NLK: variants seen among roughly 807,000 people sequenced by gnomAD.
The protein encoded by NLK is nemo like kinase.
NLK carries 11 observed loss-of-function variants against 59.0 expected under a neutral mutation model. The observed-to-expected ratio is 0.19, with a 90% CI of 0.12 to 0.31. NLK has a LOEUF of 0.31. Ranked by LOEUF, NLK falls within the 10% of genes least tolerant of loss-of-function variation. The pLI, the probability that NLK is intolerant of heterozygous loss-of-function variation, is 1.00. For synonymous variants in NLK, 235 were observed against 235.9 expected (o/e 1.00, Z 0.03); for missense variants, 410 against 661.1 (o/e 0.62, Z 4.16).
downstream of NLK, among the ~76,000 whole-genome samples, chr17:28,198,426 C>T (rs188025651): frequency 3.3e-5 from 5 of 152,210 alleles, no homozygotes; most frequent in African/African-American, 7.2e-5. Context: ...CAGGCTCAAG[C>T]GATTCTCCTG....
chr17:28,074,029 A>C (rs1488288155), intron 1 of NLK, among the ~76,000 whole-genome samples: 1 of 152,256 alleles, frequency 6.6e-6, no homozygotes, highest in Admixed American at 6.5e-5. Context: ...TTAGAAAATA[A>C]CTTTTAAAGC....
chr17:28,142,652 A>G (rs1006947862), intron 3 of NLK, among the ~76,000 whole-genome samples: 4 of 152,120 alleles, frequency 2.6e-5, no homozygotes, highest in South Asian at 2.1e-4. Flanking sequence ...CCTCACTTTT[A>G]TTTCAGATCA....
chr17:28,193,322 G>A (rs1909375841), intron 10 of NLK, among the ~76,000 whole-genome samples: 1 of 152,140 alleles, frequency 6.6e-6, no homozygotes, highest in African/African-American at 2.4e-5. Flanking sequence ...ACAGGAACTG[G>A]AACACACAGC....
chr17:28,156,177 T>TA (rs1362805989), intron 3 of NLK, among the ~76,000 whole-genome samples: 4 of 152,140 alleles, frequency 2.6e-5, no homozygotes, highest in Non-Finnish European at 5.9e-5. Context: ...GCCAGTAGTA[T>TA]ATAAGTATAT....
chr17:28,062,281 G>A (rs1475885576), intron 1 of NLK, among the ~76,000 whole-genome samples: 1 of 152,074 alleles, frequency 6.6e-6, no homozygotes, highest in Non-Finnish European at 1.5e-5. Context: ...ATGATCAAAA[G>A]AGTTCTGTGT....
chr17:28,095,436 C>A (rs1203068602), intron 1 of NLK, among the ~76,000 whole-genome samples: 2 of 152,146 alleles, frequency 1.3e-5, no homozygotes, highest in African/African-American at 4.8e-5. Context: ...AAAAAAATTT[C>A]AGACTGTAAC....
intron 1 of NLK, among the ~76,000 whole-genome samples, chr17:28,093,089 G>A (rs1322223539): frequency 1.3e-5 from 2 of 152,022 alleles, no homozygotes; most frequent in African/African-American, 2.4e-5. Context: ...CACCGCACCC[G>A]GCCTAGTGGC....
intron 1 of NLK, among the ~76,000 whole-genome samples, chr17:28,085,743 GA>G (rs199565148): frequency 6.6e-6 from 1 of 150,650 alleles, no homozygotes; most frequent in Non-Finnish European, 1.5e-5. Flanking sequence ...CCAGTCTCAA[GA>G]AAAAAAAGAA....
chr17:28,187,010 ATAAC>A (rs943721391), intron 8 of NLK, among the ~76,000 whole-genome samples: 5 of 152,250 alleles, frequency 3.3e-5, no homozygotes, highest in African/African-American at 9.6e-5. Context: ...GTTTATCTAC[ATAAC>A]TAACAGAAGA....
intron 7 of NLK, among the ~76,000 whole-genome samples, chr17:28,183,096 C>T (rs952968335): frequency 1.3e-5 from 2 of 152,120 alleles, no homozygotes; most frequent in African/African-American, 4.8e-5. Flanking sequence ...TGGCGTGTGC[C>T]TTTGGTCTCG....
chr17:28,142,914 A>G (rs1405830219), intron 3 of NLK, among the ~76,000 whole-genome samples: 2 of 152,184 alleles, frequency 1.3e-5, no homozygotes, highest in East Asian at 3.8e-4. Context: ...TCATAAGAGA[A>G]TCTGTGGCTT....
intron 1 of NLK, among the ~76,000 whole-genome samples, chr17:28,120,268 G>GTA (rs1905981072): frequency 1.4e-5 from 2 of 146,960 alleles, no homozygotes; most frequent in Non-Finnish European, 3.0e-5. Flanking sequence ...GTGTGTGTGT[G>GTA]TGTGTATGTG....
At chr17:28,134,373 C>T (rs1417116459) in intron 3 of NLK, among the ~76,000 whole-genome samples, 1 of 152,110 alleles carries the variant, frequency 6.6e-6, no homozygotes, top group Non-Finnish European at 1.5e-5. Context: ...TGCACTATAG[C>T]CTGGGCGACA....
intron 1 of NLK, among the ~76,000 whole-genome samples, chr17:28,108,245 A>G (rs779926290): frequency 6.6e-6 from 1 of 152,174 alleles, no homozygotes; most frequent in Non-Finnish European, 1.5e-5. Context: ...ATTAACATAC[A>G]TTCCTGACAA....
intron 10 of NLK, among the ~76,000 whole-genome samples, chr17:28,192,791 G>T (rs1297314933): frequency 1.3e-5 from 2 of 152,172 alleles, no homozygotes; most frequent in African/African-American, 4.8e-5. Context: ...TGGCAGTCCT[G>T]CTGCAGCATT....
At chr17:28,188,570 T>G (rs746968007) in intron 8 of NLK, among the ~76,000 whole-genome samples, 1 of 152,148 alleles carries the variant, frequency 6.6e-6, no homozygotes, top group Non-Finnish European at 1.5e-5. Flanking sequence ...CTCCACCTCC[T>G]GGGTTCAAGA....
chr17:28,073,178 T>C (rs1026308871), intron 1 of NLK, among the ~76,000 whole-genome samples: 1 of 152,198 alleles, frequency 6.6e-6, no homozygotes, highest in Non-Finnish European at 1.5e-5. Context: ...ATATTTCTGT[T>C]TTACTCTTCT....
intron 7 of NLK, among the ~76,000 whole-genome samples, chr17:28,183,945 GATAA>G (rs1567740105): frequency 6.6e-6 from 1 of 152,180 alleles, no homozygotes; most frequent in East Asian, 1.9e-4. Flanking sequence ...TTATGTTAGA[GATAA>G]ATAATTTACT....
chr17:28,201,118 C>T (rs568210304), downstream of NLK, among the ~76,000 whole-genome samples: 3 of 152,322 alleles, frequency 2.0e-5, no homozygotes, highest in South Asian at 6.2e-4. Flanking sequence ...CTCCCTCTGT[C>T]GCCCAGACTG....
Sources: allele counts gnomAD v4.1 joint callset (sites outside exome capture counted in the v4.1 genomes callset), GRCh38; gene constraint gnomAD v4.1.1; transcripts MANE v1.5; gene names NCBI Gene and HGNC (gene_info 2026-07-23, HGNC 2026-07-21).